RIF1: variants seen among roughly 807,000 people sequenced by gnomAD.
RIF1 encodes telomere-associated protein RIF1.
Under a neutral mutation model 247.1 loss-of-function variants are expected in RIF1, and 45 were observed. That is an observed-to-expected ratio of 0.18 (90% CI 0.14 to 0.23). The LOEUF (loss-of-function observed/expected upper bound fraction) is 0.23, where lower values mean the gene tolerates loss of function less well. Among genes scored for constraint, RIF1 ranks in the 10% least tolerant of loss-of-function variants. RIF1 has a pLI of 1.00. For missense variants in RIF1, 2,967 were observed against 2,862.5 expected, an observed-to-expected ratio of 1.04 and a Z score of -0.83; for synonymous variants, 1,087 against 978.8, an observed-to-expected ratio of 1.11 and a Z score of -2.06.
At chr2:151,506,581 CTCAG>C (rs760294784) in intron 13 of RIF1, among the ~76,000 whole-genome samples, 11 of 152,150 alleles carry the variant, frequency 7.2e-5, no homozygotes, top group Non-Finnish European at 1.3e-4. Flanking sequence ...GAAATGCAAA[CTCAG>C]TCAGTTATTT....
chr2:151,416,684 A>G lies in RIF1; in HGVS notation c.404A>G (p.Lys135Arg). 1 of 1,612,580 alleles carries G rather than the reference A, an allele frequency of 6.2e-7. No individual in the cohort carries two copies. The change falls in exon 5 of 36, where the codon AAA becomes AGA. Residue 135 changes from lysine (K) to arginine (R), a missense_variant. This residue lies in a region of RIF1 where 269 missense variants were observed against 288.6 expected (regional missense o/e 0.93). Coordinates refer to ENST00000444746, the MANE Select transcript of RIF1 (RefSeq NM_018151.5). ...KQTFPSEVVG[K>R]MVSSIIDSLE... ...ACATTTCCCTCTGAAGTGGTTGGCA[A>G]AATGGTGAGTATAGTTTTTGGGTAT...
chr2:151,417,577 C>G (rs982488110), intron 6 of RIF1, among the ~76,000 whole-genome samples: 6 of 152,176 alleles, frequency 3.9e-5, no homozygotes, highest in Non-Finnish European at 7.4e-5. Context: ...AAAATTGCAT[C>G]TGTATTGAAC....
chr2:151,513,408 TG>T, the RIF1 span, among the ~76,000 whole-genome samples: 1 of 152,178 alleles, frequency 6.6e-6, no homozygotes, highest in African/African-American at 2.4e-5. Context: ...GCAATGAGCC[TG>T]GCAAAGGGTC....
Position 151,464,865 on chromosome 2 carries a change from A to G in RIF1, c.5345A>G (p.Tyr1782Cys). The G allele has an allele frequency of 6.3e-7, 1 of 1,598,120 alleles. No homozygotes were observed. Among genetic ancestry groups the G allele is most frequent in the Non-Finnish European group, 8.5e-7 (1 of 1,175,866 alleles). The stretch of plus-strand genomic sequence containing the variant: ...TCAGAAACTTCTCAAGCTAATCCAT[A>G]TTCTGAAGGACAATTTTTAGATGAA... Reference protein sequence around the residue: ...SPSETSQANPYSEGQFLDEHH... With the variant: ...SPSETSQANPCSEGQFLDEHH... The change falls in exon 30 of 36, where the codon TAT (tyrosine) becomes TGT (cysteine). Residue 1782 changes from tyrosine to cysteine, a missense_variant. Around this residue, in one of 7 missense-constraint regions of RIF1, gnomAD observed 2,028 missense variants for 1,825.6 expected, o/e 1.11. Transcript: ENST00000444746.
chr2:151,409,974 C>T lies in RIF1; in HGVS notation c.-70C>T, dbSNP rs1187625026. ...CAGCCGGAGCTGGGAAAGTCGAGCT[C>T]TGGCAGCGTCTGGGTGCTGAGGGGC... On this transcript the variant is annotated 5_prime_UTR_variant, in exon 1 of 36. Coordinates refer to ENST00000444746, the MANE Select transcript of RIF1 (RefSeq NM_018151.5). 2.8e-6 allele frequency: 2 copies of T among 702,198 alleles called. No homozygotes were observed. The highest frequency in any genetic ancestry group is 2.0e-5 in the Admixed American group (1 of 50,008). The allele number at this position is 702,198 out of a possible 1,614,324, so 43.5% of individuals were successfully genotyped here.
intron 14 of RIF1, among the ~76,000 whole-genome samples, chr2:151,439,548 A>G (rs1337317362): frequency 1.3e-5 from 2 of 151,490 alleles, no homozygotes; most frequent in Non-Finnish European, 2.9e-5. Flanking sequence ...CCTGTAATCA[A>G]TCCCCAGCTA....
rs1362263463 is a variant in RIF1 at position 151,464,480 on chromosome 2, AATG to A, written c.4962_4964del (p.Asn1654_Glu1655delinsLys). The stretch of plus-strand genomic sequence containing the variant: ...TTTACCAAATGTGTGTGAGGAAAAA[AATG>A]AAACTAGCAAATATGCAGAATATTC... On this transcript the variant is annotated inframe_deletion, in exon 30 of 36. Transcript: ENST00000444746. 6.2e-7 allele frequency: 1 copy of A among 1,612,966 alleles called. No individual in the cohort carries two copies. The highest frequency in any genetic ancestry group is 8.5e-7 in the Non-Finnish European group (1 of 1,179,744).
intron 34 of RIF1, among the ~76,000 whole-genome samples, chr2:151,473,402 TCTC>T (rs2048723535): frequency 2.0e-5 from 3 of 151,254 alleles, no homozygotes; most frequent in Non-Finnish European, 2.9e-5. Flanking sequence ...CTCAAGCAGT[TCTC>T]CTGCCTCAGC....
intron 12 of RIF1, among the ~76,000 whole-genome samples, chr2:151,504,385 C>A (rs2067141233): frequency 6.6e-6 from 1 of 152,038 alleles, no homozygotes; most frequent in Non-Finnish European, 1.5e-5. Context: ...CAGCACAAAG[C>A]AAAATTAAAG....
At chr2:151,520,173 C>CTGTA in the RIF1 span, among the ~76,000 whole-genome samples, 1 of 152,008 alleles carries the variant, frequency 6.6e-6, no homozygotes, top group Admixed American at 6.6e-5. Context: ...CAAAGAAGGG[C>CTGTA]TGTAAATGAT....
At position 151,478,571 on chromosome 2, in the gene RIF1, T is replaced by C. The variant is rs1295446084; in HGVS notation, c.*3500T>C. ...GATAGTTAAAGACTCTGTTACAATT[T>C]AAACATCATAAAAATGTGAAGAGTA... On this transcript the variant is annotated 3_prime_UTR_variant, in exon 36 of 36. Transcript: ENST00000444746. 1 of 152,080 alleles carries C rather than the reference T, an allele frequency of 6.6e-6. No individual in the cohort carries two copies. The highest frequency in any genetic ancestry group is 1.5e-5 in the Non-Finnish European group (1 of 68,010). The allele number at this position is 152,080 out of a possible 1,614,324, so 9.4% of individuals were successfully genotyped here.
chr2:151,526,027 G>C, the RIF1 span: 3 of 1,613,992 alleles, frequency 1.9e-6, no homozygotes, highest in Middle Eastern at 3.3e-4. Flanking sequence ...TTGTGTATGA[G>C]CCCTGTGCCA....
the RIF1 span, chr2:151,515,039 C>A: frequency 1.5e-6 from 1 of 668,066 alleles, no homozygotes; most frequent in Non-Finnish European, 2.6e-6. Flanking sequence ...GGCTCTTAAT[C>A]ATAGTTCTGC....
chr2:151,507,217 G>T, intron 13 of RIF1: 1 of 494,190 alleles, frequency 2.0e-6, no homozygotes, highest in Non-Finnish European at 3.6e-6. Context: ...AAAGCTAGGG[G>T]TTTGTTTTTG....
At chr2:151,441,238 G>C (rs915179648) in intron 15 of RIF1, among the ~76,000 whole-genome samples, 1 of 152,098 alleles carries the variant, frequency 6.6e-6, no homozygotes, top group Non-Finnish European at 1.5e-5. Context: ...AAAAAAGACA[G>C]TATGGTAGTA....
At position 151,450,590 on chromosome 2, in the gene RIF1, CTTTCT is replaced by C. The variant is rs1248621543; in HGVS notation, c.2245-1012_2245-1008del. On this transcript the variant is annotated intron_variant, in intron 20 of 35. Transcript: ENST00000444746. ...AAAAACACCATCCTGAGCAATAATTCTTTCTTTTTTTTTTTGACGGAGCCTCGCTC... is the reference window on the plus strand; with the variant it reads ...AAAAACACCATCCTGAGCAATAATTCTTTTTTTTTTGACGGAGCCTCGCTC... Among the ~76,000 whole-genome samples the C allele has an allele frequency of 5.3e-5, 8 of 151,560 alleles. No individual in the cohort carries two copies. In the East Asian group the frequency reaches 1.2e-3, roughly 22 times the overall value.
chr2:151,433,518 G>C (rs891122010), intron 10 of RIF1, among the ~76,000 whole-genome samples: 1 of 152,056 alleles, frequency 6.6e-6, no homozygotes, highest in Non-Finnish European at 1.5e-5. Flanking sequence ...GCAGTGGCAC[G>C]ATCTCGGCTC....
chr2:151,508,457 G>A (rs183154251), downstream of RIF1, among the ~76,000 whole-genome samples: 18 of 152,330 alleles, frequency 1.2e-4, no homozygotes, highest in South Asian at 1.9e-3. Context: ...AGTAGTCCTC[G>A]CTGGGCTGGA....
Position 151,464,078 on chromosome 2 carries a change from G to T in RIF1, c.4558G>T (p.Asp1520Tyr). Residue 1520 changes from aspartate to tyrosine, a missense_variant, in exon 30 of 36, where the codon GAC becomes TAC. This residue lies in a region of RIF1 where 2,028 missense variants were observed against 1,825.6 expected (regional missense o/e 1.11). Transcript: ENST00000444746. ...NIKSEGDGTQ[D>Y]IVDKSSEKLV... ...TAAGTCTGAGGGGGATGGTACCCAG[G>T]ACATTGTAGATAAGTCCTCTGAGAA... The T allele has an allele frequency of 6.2e-7, 1 of 1,613,136 alleles. No homozygotes were observed. The highest frequency in any genetic ancestry group is 8.5e-7 in the Non-Finnish European group (1 of 1,179,794).
Sources: gnomAD v4.1 joint callset for allele counts (sites outside exome capture counted in the v4.1 genomes callset) on GRCh38, gnomAD v4.1.1 for gene constraint, gnomAD v4.1.1 regional missense constraint, MANE v1.5 for transcripts, NCBI Gene and HGNC (gene_info 2026-07-23, HGNC 2026-07-21) for gene names.